Variants in CEP290 observed in about 807,000 individuals in gnomAD.
CEP290 encodes the protein centrosomal protein of 290 kDa.
In CEP290, 317 loss-of-function variants were observed where a neutral mutation model predicts 344.9. The ratio of observed to expected loss-of-function variants is 0.92; its 90% CI spans 0.84 to 1.01. The LOEUF is 1.01. Ranked by LOEUF, CEP290 falls within the 50% of genes least tolerant of loss-of-function variation. The pLI is 0.00. For synonymous variants in CEP290, 932 were observed against 895.8 expected (o/e 1.04, Z -0.72); for missense variants, 2,754 against 2,761.4 (o/e 1.00, Z 0.06).
chr12:88,090,961 T>C (rs2036990474), intron 29 of CEP290, 122 bp from the exon 30 acceptor site: 1 of 577,020 alleles, frequency 1.7e-6, no homozygotes, highest in Non-Finnish European at 3.0e-6. Flanking sequence ...CTCTTCTTTG[T>C]ATGAAATATT....
At chr12:88,124,596 A>G (rs1277312417) in intron 13 of CEP290, among the ~76,000 whole-genome samples, 3 of 150,280 alleles carry the variant, frequency 2.0e-5, no homozygotes, top group Non-Finnish European at 4.5e-5. Context: ...GTATATATAT[A>G]TGACATGAAG....
chr12:88,129,609 G>GA (rs1417189946), intron 10 of CEP290, 85 bp downstream of exon 10: 2 of 788,556 alleles, frequency 2.5e-6, no homozygotes, highest in Non-Finnish European at 3.8e-6. Context: ...TCACATCCTA[G>GA]AAAAAGTACT....
chr12:88,089,351 C>G lies in CEP290; in HGVS notation c.3710G>C (p.Arg1237Pro). The change falls in exon 31 of 54, where the codon CGC becomes CCC. Residue 1237 changes from arginine (R) to proline (P), a missense_variant. Arg to Pro is a moderately radical substitution (Grantham distance 103). Transcript: ENST00000552810. ...TTTTTCATCAAGTTTCTGCTCTAAGCGCAAGTTGTAGGCCTCCATCTTCTG... is the reference window on the plus strand; with the variant it reads ...TTTTTCATCAAGTTTCTGCTCTAAGGGCAAGTTGTAGGCCTCCATCTTCTG... ...KLQKMEAYNLRLEQKLDEKEQ... is the reference protein window; with the variant it reads ...KLQKMEAYNLPLEQKLDEKEQ... 1 of 1,613,844 alleles carries G rather than the reference C, an allele frequency of 6.2e-7. No homozygotes were observed. Among genetic ancestry groups the G allele is most frequent in the African/African-American group, 1.3e-5 (1 of 74,948 alleles).
chr12:88,134,987 G>A (rs889380618), intron 6 of CEP290, among the ~76,000 whole-genome samples: 1 of 152,002 alleles, frequency 6.6e-6, no homozygotes, highest in Non-Finnish European at 1.5e-5. Context: ...GCACCTCAAG[G>A]CTGATTACGG....
Position 88,140,971 on chromosome 12 carries a change from A to T in CEP290, c.165T>A (p.Thr55=), listed in dbSNP as rs2138297919. 6.3e-7 allele frequency: 1 copy of T among 1,590,358 alleles called. No individual in the cohort carries two copies. Among genetic ancestry groups the T allele is most frequent in the Non-Finnish European group, 8.5e-7 (1 of 1,170,920 alleles). ...ACATACAAACCTTCATTAGTGACTG[A>T]GTAATTCTGAAAAGGTGTATCACAT... is the stretch of plus-strand genomic sequence containing the variant. ...QENVIHLFRI[T]QSLMKMKAQE... is the part of the protein sequence containing the mutation. Residue 55 remains threonine, a synonymous_variant, in exon 3 of 54, where the codon ACT becomes ACA. Transcript: ENST00000552810.
intron 26 of CEP290, among the ~76,000 whole-genome samples, chr12:88,098,333 G>A (rs1473961326): frequency 2.2e-5 from 3 of 135,288 alleles, no homozygotes; most frequent in African/African-American, 2.8e-5. Flanking sequence ...GTATCGACCA[G>A]GTGCAGTGGC....
intron 38 of CEP290, 108 bp downstream of exon 38, chr12:88,080,074 A>G: frequency 1.3e-6 from 1 of 748,096 alleles, no homozygotes; most frequent in Non-Finnish European, 2.2e-6. Flanking sequence ...ACTTTTTATT[A>G]CAACACGGAG....
intron 6 of CEP290, among the ~76,000 whole-genome samples, chr12:88,133,458 C>T (rs930964999): frequency 1.3e-5 from 2 of 152,118 alleles, no homozygotes; most frequent in African/African-American, 4.8e-5. Context: ...TCCAGTCTAT[C>T]ATTGATGAGC....
intron 22 of CEP290, 37 bp from the exon 23 acceptor site, chr12:88,109,218 A>G: frequency 2.9e-6 from 2 of 678,018 alleles, no homozygotes; most frequent in Non-Finnish European, 4.9e-6. Flanking sequence ...GCAAAAAAAA[A>G]CACAATAGAA....
chr12:88,113,924 AAGC>A (rs1354537221), intron 20 of CEP290, among the ~76,000 whole-genome samples: 1 of 152,118 alleles, frequency 6.6e-6, no homozygotes, highest in African/African-American at 2.4e-5. Flanking sequence ...GAACAAAAGC[AAGC>A]AGATTTTGGG....
chr12:88,053,594 AGGC>A (rs2033746326), intron 52 of CEP290, 55 bp downstream of exon 52: 3 of 763,664 alleles, frequency 3.9e-6, no homozygotes, highest in Admixed American at 5.2e-5. Context: ...AAAAAAAAAA[AGGC>A]AAACCCAAAT....
intron 26 of CEP290, among the ~76,000 whole-genome samples, chr12:88,101,978 A>C (rs556950735): frequency 6.6e-6 from 1 of 152,216 alleles, no homozygotes; most frequent in East Asian, 1.9e-4. Flanking sequence ...AAAGCTACTC[A>C]GAACAACGTT....
rs570917010 is a variant in CEP290 at position 88,099,952 on chromosome 12, C to A, written c.2991+2886G>T. The stretch of plus-strand genomic sequence containing the variant: ...TCCCTAGTAACTCTAAATTTTCTTT[C>A]CCTCCTCCTGAAACTTCACTGGTCT... On this transcript the variant is annotated intron_variant, in intron 26 of 53. Coordinates refer to ENST00000552810, the MANE Select transcript of CEP290 (RefSeq NM_025114.4). 9.2e-5 allele frequency among the ~76,000 whole-genome samples: 14 copies of A among 151,862 alleles called. No individual in the cohort carries two copies. In the South Asian group the frequency reaches 2.9e-3, roughly 32 times the overall value.
At chr12:88,133,862 C>T (rs1592684517) in intron 6 of CEP290, among the ~76,000 whole-genome samples, 1 of 152,138 alleles carries the variant, frequency 6.6e-6, no homozygotes, top group African/African-American at 2.4e-5. Flanking sequence ...GAAGAGAAGC[C>T]AAGAACTTAA....
intron 22 of CEP290, among the ~76,000 whole-genome samples, chr12:88,110,910 A>AAGATGTATG (rs1394541953): frequency 1.3e-5 from 2 of 152,182 alleles, no homozygotes; most frequent in Non-Finnish European, 2.9e-5. Context: ...GTGTGCGAAC[A>AAGATGTATG]AGATGTATGA....
intron 44 of CEP290, 66 bp downstream of exon 44, chr12:88,068,456 G>T: frequency 1.8e-6 from 2 of 1,117,656 alleles, no homozygotes; most frequent in Non-Finnish European, 2.4e-6. Context: ...TAAGAAAGAA[G>T]TTGATTTCAC....
At chr12:88,081,579 C>T (rs1190586197) in intron 37 of CEP290, among the ~76,000 whole-genome samples, 2 of 152,132 alleles carry the variant, frequency 1.3e-5, no homozygotes, top group Admixed American at 6.5e-5. Context: ...TTTGGCAAAA[C>T]TTAAGTCTAA....
At position 88,069,008 on chromosome 12, in the gene CEP290, T is replaced by C. The variant is rs1592773090; in HGVS notation, c.6012-363A>G. On this transcript the variant is annotated intron_variant, in intron 43 of 53. Transcript: ENST00000552810. ...AACATTATATAATAACTGCATAATA[T>C]CCATGGTCTTCTCAAGAAGCTCAAG... 2.6e-5 allele frequency among the ~76,000 whole-genome samples: 4 copies of C among 152,240 alleles called. No homozygotes were observed. In the South Asian group the frequency reaches 8.3e-4, roughly 32 times the overall value.
In CEP290 at chr12:88,080,315, T is replaced by C. The variant is rs2036105020; in HGVS notation, c.5093A>G (p.Gln1698Arg). 2 of 1,613,758 alleles carry C rather than the reference T, an allele frequency of 1.2e-6. No individual in the cohort carries two copies. Among genetic ancestry groups the C allele is most frequent in the South Asian group, 2.2e-5 (2 of 91,088 alleles). ...EDLKYLLDQS[Q>R]KESQCLKSEL... ...AGATTTTAAACACTGTGACTCCTTT[T>C]GTGACTGGTCCAGAAGATACTTTAA... The change falls in exon 38 of 54, where the codon CAA becomes CGA. Residue 1698 changes from glutamine to arginine, a missense_variant. Physicochemically the swap from Gln to Arg is conservative, Grantham distance 43. Transcript: ENST00000552810.
Sources: gnomAD v4.1 joint callset for allele counts (sites outside exome capture counted in the v4.1 genomes callset) on GRCh38, gnomAD v4.1.1 for gene constraint, MANE v1.5 for transcripts, NCBI Gene and HGNC (gene_info 2026-07-23, HGNC 2026-07-21) for gene names.